The following CLASP2 variants were observed in gnomAD, a reference collection of about 807,000 sequenced individuals.
CLASP2 encodes the protein CLIP-associating protein 2.
Under a neutral mutation model 194.4 loss-of-function variants are expected in CLASP2, and 47 were observed. That is an observed-to-expected ratio of 0.24 (90% CI 0.19 to 0.31). The LOEUF (loss-of-function observed/expected upper bound fraction) is 0.31, where lower values mean the gene tolerates loss of function less well. CLASP2 is among the 10% of genes least tolerant of loss of function. The pLI is 1.00. For missense variants in CLASP2, 1,445 were observed against 1,823.6 expected (o/e 0.79, Z 3.78); for synonymous variants, 619 against 633.5 (o/e 0.98, Z 0.34).
intron 1 of CLASP2, among the ~76,000 whole-genome samples, chr3:33,708,737 T>C (rs546239308): frequency 6.6e-6 from 1 of 152,074 alleles, no homozygotes; most frequent in East Asian, 1.9e-4. Context: ...GTGGAGCACA[T>C]GGTAGTTCTA....
intron 16 of CLASP2, among the ~76,000 whole-genome samples, chr3:33,604,779 T>C (rs886614732): frequency 3.3e-5 from 5 of 152,172 alleles, no homozygotes; most frequent in African/African-American, 1.2e-4. Context: ...GTTGCCTTTG[T>C]TCACTCTGCT....
chr3:33,571,690 C>T (rs558473794), intron 25 of CLASP2, among the ~76,000 whole-genome samples: 5 of 151,772 alleles, frequency 3.3e-5, no homozygotes, highest in African/African-American at 1.2e-4. Flanking sequence ...GTGGTGCACG[C>T]CTGTAGTACC....
intron 32 of CLASP2, among the ~76,000 whole-genome samples, chr3:33,539,536 T>C (rs1033980173): frequency 1.3e-5 from 2 of 152,138 alleles, no homozygotes; most frequent in African/African-American, 4.8e-5. Context: ...GGTTTCACCA[T>C]GTTGTGCAGG....
At chr3:33,717,099 G>A (rs2093333003) in intron 1 of CLASP2, among the ~76,000 whole-genome samples, 1 of 152,084 alleles carries the variant, frequency 6.6e-6, no homozygotes, top group African/African-American at 2.4e-5. Flanking sequence ...ATTCTTTCTC[G>A]CACCTCATCT....
intron 7 of CLASP2, among the ~76,000 whole-genome samples, chr3:33,662,553 T>C (rs2085466802): frequency 6.6e-6 from 1 of 152,210 alleles, no homozygotes; most frequent in Admixed American, 6.5e-5. Context: ...TAACACTCAC[T>C]TACTCCATCT....
chr3:33,576,232 A>G lies in CLASP2; in HGVS notation c.2391T>C (p.Ser797=). Residue 797 remains serine, a synonymous_variant, in exon 24 of 39, where the codon TCT becomes TCC. Coordinates refer to ENST00000682230, the MANE Select transcript of CLASP2 (RefSeq NM_001365631.1). ...TGTTCAGGACTCGCATGGCACTAAC[A>G]GAAGACGACAGTCGACTTGATTGGC... ...GISQSSRLSS[S]VSAMRVLNTG... is the part of the protein sequence containing the mutation. 1 of 1,613,914 alleles carries G rather than the reference A, an allele frequency of 6.2e-7. No individual in the cohort carries two copies. The highest frequency in any genetic ancestry group is 8.5e-7 in the Non-Finnish European group (1 of 1,179,802).
At chr3:33,707,243 A>T (rs534216846) in intron 1 of CLASP2, among the ~76,000 whole-genome samples, 1 of 152,356 alleles carries the variant, frequency 6.6e-6, no homozygotes, top group South Asian at 2.1e-4. Flanking sequence ...ATCAAAAAGG[A>T]TAGTAACTGC....
intron 27 of CLASP2, among the ~76,000 whole-genome samples, 158 bp downstream of exon 27, chr3:33,566,574 C>T (rs1188035853): frequency 6.6e-6 from 1 of 152,238 alleles, no homozygotes; most frequent in Non-Finnish European, 1.5e-5. Context: ...AGCATATCTC[C>T]AAACAGAATG....
intron 13 of CLASP2, 111 bp from the exon 14 acceptor site, chr3:33,608,737 TAGA>T: frequency 1.9e-6 from 1 of 534,712 alleles, no homozygotes; most frequent in Non-Finnish European, 3.1e-6. Flanking sequence ...GACATGTTTT[TAGA>T]TATCTTTTTT....
intron 5 of CLASP2, among the ~76,000 whole-genome samples, chr3:33,685,840 C>A (rs1395798534): frequency 6.6e-6 from 1 of 151,896 alleles, no homozygotes; most frequent in Non-Finnish European, 1.5e-5. Flanking sequence ...TGACGGGGGA[C>A]TGCCAGGGAC....
intron 6 of CLASP2, among the ~76,000 whole-genome samples, chr3:33,677,471 G>T (rs1359161364): frequency 6.7e-6 from 1 of 148,648 alleles, no homozygotes; most frequent in Non-Finnish European, 1.5e-5. Flanking sequence ...ACCAAACACC[G>T]CGTATTCTCA....
At chr3:33,525,137 A>G (rs1371218168) in intron 34 of CLASP2, among the ~76,000 whole-genome samples, 1 of 152,220 alleles carries the variant, frequency 6.6e-6, no homozygotes, top group Non-Finnish European at 1.5e-5. Flanking sequence ...GAAAATTCAC[A>G]AGTTTGAGGA....
At chr3:33,530,451 C>T (rs2055994858) in intron 34 of CLASP2, among the ~76,000 whole-genome samples, 1 of 152,126 alleles carries the variant, frequency 6.6e-6, no homozygotes, top group African/African-American at 2.4e-5. Flanking sequence ...GCCTAGGTGA[C>T]AGAGTAAGAC....
chr3:33,571,385 T>C (rs1160578784), intron 25 of CLASP2, among the ~76,000 whole-genome samples: 1 of 151,526 alleles, frequency 6.6e-6, no homozygotes, highest in Non-Finnish European at 1.5e-5. Flanking sequence ...TCCCAGCACT[T>C]TGGAAGGTCG....
At chr3:33,501,563 A>T in intron 38 of CLASP2, 89 bp downstream of exon 38, 1 of 768,690 alleles carries the variant, frequency 1.3e-6, no homozygotes, top group Non-Finnish European at 2.2e-6. Context: ...ATTAAATGCC[A>T]AATAAAAAGC....
chr3:33,642,004 T>G (rs1490696199), intron 8 of CLASP2, among the ~76,000 whole-genome samples: 6 of 151,918 alleles, frequency 3.9e-5, no homozygotes, highest in African/African-American at 1.4e-4. Flanking sequence ...TAAAGAGAAA[T>G]AGAACAATCT....
chr3:33,544,047 C>T (rs1183857696), intron 31 of CLASP2, among the ~76,000 whole-genome samples: 1 of 152,144 alleles, frequency 6.6e-6, no homozygotes, highest in Non-Finnish European at 1.5e-5. Flanking sequence ...TTACCTTAAG[C>T]CTGCCATCAG....
In CLASP2 at chr3:33,607,441, T is replaced by C; in HGVS notation, c.1469A>G (p.Glu490Gly). The stretch of plus-strand genomic sequence containing the variant: ...ATCATGAATTCCCTTTTTAATAGTT[T>C]CAACCAAGACGGCTGCATGTCTATA... ...SLERHAAVLV[E>G]TIKKGIHDAD... Residue 490 changes from glutamate (E) to glycine (G), a missense_variant, in exon 15 of 39, where the codon GAA (glutamate) becomes GGA (glycine). Glu to Gly is a moderately conservative substitution (Grantham distance 98). This residue lies in a region of CLASP2 where 207 missense variants were observed against 331.4 expected (regional missense o/e 0.62). Coordinates refer to ENST00000682230, the MANE Select transcript of CLASP2 (RefSeq NM_001365631.1). 6.2e-7 allele frequency: 1 copy of C among 1,609,652 alleles called. No homozygotes were observed. Among genetic ancestry groups the C allele is most frequent in the South Asian group, 1.1e-5 (1 of 89,888 alleles).
At chr3:33,542,804 T>C (rs1038278725) in intron 32 of CLASP2, among the ~76,000 whole-genome samples, 1 of 152,110 alleles carries the variant, frequency 6.6e-6, no homozygotes, top group Non-Finnish European at 1.5e-5. Context: ...CTGAGTAGTA[T>C]AATGTAATTG....
Sources: gnomAD v4.1 joint callset for allele counts (sites outside exome capture counted in the v4.1 genomes callset) on GRCh38, gnomAD v4.1.1 for gene constraint, gnomAD v4.1.1 regional missense constraint, MANE v1.5 for transcripts, NCBI Gene and HGNC (gene_info 2026-07-23, HGNC 2026-07-21) for gene names.